ROS1: variants seen among roughly 807,000 people sequenced by gnomAD.
ROS1 encodes proto-oncogene tyrosine-protein kinase ROS.
A neutral mutation model predicts 273.5 loss-of-function variants in ROS1; 263 were observed. That is an observed-to-expected ratio of 0.96 (90% CI 0.87 to 1.06). The LOEUF is 1.06. Ranked by LOEUF, ROS1 falls within the 50% of genes least tolerant of loss-of-function variation. The pLI is 0.00. For synonymous variants in ROS1, 1,008 were observed against 954.1 expected, an observed-to-expected ratio of 1.06 and a Z score of -1.04; for missense variants, 2,833 against 2,751.1, an observed-to-expected ratio of 1.03 and a Z score of -0.67.
intron 7 of ROS1, among the ~76,000 whole-genome samples, chr6:117,400,950 A>G (rs1240881364): frequency 6.6e-6 from 1 of 152,178 alleles, no homozygotes; most frequent in African/African-American, 2.4e-5. Context: ...TCTAACAGAC[A>G]TCTCAAATTT....
chr6:117,336,964 T>C (rs930182065), intron 32 of ROS1, among the ~76,000 whole-genome samples: 2 of 152,126 alleles, frequency 1.3e-5, no homozygotes, highest in African/African-American at 4.8e-5. Flanking sequence ...TTTTGCCCAG[T>C]TCAGGATCCA....
In ROS1 at chr6:117,379,423, A is replaced by T. The variant is rs1000864093; in HGVS notation, c.2482-264T>A. Among the ~76,000 whole-genome samples, 5 of 152,298 alleles carry T rather than the reference A, an allele frequency of 3.3e-5. No homozygotes were observed. The East Asian group carries it at 9.6e-4, about 29-fold the overall frequency. On this transcript the variant is annotated intron_variant, in intron 17 of 43. Transcript: ENST00000368507. ...TATATACTTAGCTCCAGTAATTATC[A>T]AAGTATGATTCTCAGACCTGCAGCA... is the stretch of plus-strand genomic sequence containing the variant.
intron 7 of ROS1, among the ~76,000 whole-genome samples, chr6:117,401,170 A>G (rs6906236): frequency 0.023 from 3,461 of 152,232 alleles, 45 homozygotes; most frequent in Middle Eastern, 0.054. Context: ...CTGTTTTCCC[A>G]TCACCATCCT....
intron 5 of ROS1, among the ~76,000 whole-genome samples, chr6:117,406,903 T>A (rs974684428): frequency 6.6e-6 from 1 of 152,182 alleles, no homozygotes; most frequent in South Asian, 2.1e-4. Flanking sequence ...ATGATCAGAT[T>A]GGGTATCACC....
chr6:117,358,128 C>G, intron 24 of ROS1, 119 bp from the exon 25 acceptor site: 1 of 655,426 alleles, frequency 1.5e-6, no homozygotes, highest in South Asian at 1.9e-5. Context: ...TCCCAAACCT[C>G]AGCAATCTGG....
intron 39 of ROS1, among the ~76,000 whole-genome samples, chr6:117,313,584 A>T (rs1775699884): frequency 6.6e-6 from 1 of 152,104 alleles, no homozygotes; most frequent in Admixed American, 6.6e-5. Context: ...AAAAAAAAAA[A>T]AGTTAAAAGG....
Position 117,396,958 on chromosome 6 carries a change from T to C in ROS1, c.763A>G (p.Thr255Ala). The C allele has an allele frequency of 1.2e-6, 2 of 1,614,164 alleles. No homozygotes were observed. The highest frequency in any genetic ancestry group is 1.7e-6 in the Non-Finnish European group (2 of 1,179,988). ...NQKLDAGTQR[T>A]SFQFYSTLPN... is the part of the protein sequence containing the mutation. ...AAAGTGGAGTAAAACTGGAAACTGG[T>C]TCTCTGTGTCCCTGCATCTAATTTT... Residue 255 changes from threonine to alanine, a missense_variant, in exon 8 of 44, where the codon ACC becomes GCC. Thr to Ala is a moderately conservative substitution (Grantham distance 58). Transcript: ENST00000368507.
At chr6:117,333,698 A>C (rs1777262384) in intron 32 of ROS1, among the ~76,000 whole-genome samples, 1 of 152,240 alleles carries the variant, frequency 6.6e-6, no homozygotes, top group Non-Finnish European at 1.5e-5. Context: ...GCAAATCAAT[A>C]AATGTAATCC....
At chr6:117,314,949 G>T (rs1372763720) in intron 39 of ROS1, among the ~76,000 whole-genome samples, 1 of 152,092 alleles carries the variant, frequency 6.6e-6, no homozygotes, top group Non-Finnish European at 1.5e-5. Flanking sequence ...ATTTGAGAAA[G>T]ATTCTCACAT....
chr6:117,360,029 T>C lies in ROS1; in HGVS notation c.3431-18A>G, dbSNP rs1206312227. The C allele has an allele frequency of 6.9e-6, 11 of 1,597,242 alleles. No homozygotes were observed. In the East Asian group the frequency reaches 2.2e-4, roughly 32 times the overall value. On this transcript the variant is annotated intron_variant, in intron 23 of 43. Coordinates refer to ENST00000368507, the MANE Select transcript of ROS1 (RefSeq NM_001378902.1). ...GTTGATTTCTGAAAGCAAAAAAACA[T>C]GTAGATAATATGCATGAGAAAACTG...
chr6:117,365,643 C>A lies in ROS1; in HGVS notation c.2896G>T (p.Gly966Cys), dbSNP rs199835491. Residue 966 changes from glycine (G) to cysteine (C), a missense_variant, in exon 20 of 44, where the codon GGT becomes TGT. Gly to Cys is a radical substitution (Grantham distance 159). Coordinates refer to ENST00000368507, the MANE Select transcript of ROS1 (RefSeq NM_001378902.1). The stretch of plus-strand genomic sequence containing the variant: ...ACACCCCAGTCTACCGCAGGGGGAC[C>A]ATTCCACAGGATTTGAAAACTTGAA... Reference protein sequence around the residue: ...NASSFQILWNGPPAVDWGVVF... With the variant: ...NASSFQILWNCPPAVDWGVVF... 3.9e-5 allele frequency: 63 copies of A among 1,612,532 alleles called. No homozygotes were observed.
chr6:117,326,089 GATTATATATATATATATATATAT>G lies in ROS1; in HGVS notation c.5539+112_5539+134del, dbSNP rs1334493789. On this transcript the variant is annotated intron_variant, in intron 34 of 43. Coordinates refer to ENST00000368507, the MANE Select transcript of ROS1 (RefSeq NM_001378902.1). The stretch of plus-strand genomic sequence containing the variant: ...AATAGTTTAATAGTTTGGATAATAA[GATTATATATATATATATATATAT>G]ATATATATATATATAGTCACCATTA... The G allele has an allele frequency of 8.8e-4, 146 of 166,738 alleles. 4 individuals are homozygous for G. Among genetic ancestry groups the G allele is most frequent in the African/African-American group, 6.1e-3 (136 of 22,130 alleles). 10.3% of individuals were successfully genotyped at this position (166,738 alleles called of 1,614,324 possible).
intron 21 of ROS1, among the ~76,000 whole-genome samples, chr6:117,363,640 G>A (rs1232600845): frequency 6.6e-6 from 1 of 152,018 alleles, no homozygotes; most frequent in East Asian, 1.9e-4. Context: ...TCTCACATGG[G>A]ATACCTCTTC....
At chr6:117,414,583 A>G (rs773408166) in intron 3 of ROS1, 38 bp from the exon 4 acceptor site, 2 of 724,296 alleles carry the variant, frequency 2.8e-6, no homozygotes, top group East Asian at 5.0e-5. Context: ...AAAATCTTGA[A>G]AGTTGTAAAT....
intron 4 of ROS1, among the ~76,000 whole-genome samples, chr6:117,412,974 G>A (rs982997660): frequency 6.6e-6 from 1 of 152,028 alleles, no homozygotes; most frequent in African/African-American, 2.4e-5. Flanking sequence ...TCTCAATGAG[G>A]AGAGACCTTT....
intron 27 of ROS1, among the ~76,000 whole-genome samples, chr6:117,351,103 G>C (rs532044710): frequency 6.6e-6 from 1 of 152,160 alleles, no homozygotes; most frequent in African/African-American, 2.4e-5. Flanking sequence ...CTGTAAATGG[G>C]CCTTTAGTAA....
chr6:117,360,489 T>C lies in ROS1; in HGVS notation c.3367-84A>G, dbSNP rs1582734772. 5 of 866,124 alleles carry C rather than the reference T, an allele frequency of 5.8e-6. No homozygotes were observed. In the East Asian group the frequency reaches 1.2e-4, roughly 21 times the overall value. The allele number at this position is 866,124 out of a possible 1,614,324, so 53.7% of individuals were successfully genotyped here. ...TCTGAGACTGAGAGATTACTAAATG[T>C]TTCATTTCATACTCCTGATACACAA... On this transcript the variant is annotated intron_variant, in intron 22 of 43. Transcript: ENST00000368507.
chr6:117,411,912 A>G (rs981317806), intron 4 of ROS1, among the ~76,000 whole-genome samples: 3 of 152,218 alleles, frequency 2.0e-5, no homozygotes, highest in African/African-American at 7.2e-5. Context: ...GATAATGAAA[A>G]TTGCTAGGAC....
chr6:117,298,070 C>A (rs1408927409), intron 43 of ROS1, among the ~76,000 whole-genome samples: 1 of 152,078 alleles, frequency 6.6e-6, no homozygotes, highest in Non-Finnish European at 1.5e-5. Flanking sequence ...TTTGTAGCAA[C>A]ATGGATGAAA....
Sources: gnomAD v4.1 joint callset for allele counts (sites outside exome capture counted in the v4.1 genomes callset) on GRCh38, gnomAD v4.1.1 for gene constraint, MANE v1.5 for transcripts, NCBI Gene and HGNC (gene_info 2026-07-23, HGNC 2026-07-21) for gene names.